Variants in SPEN observed in about 807,000 individuals in gnomAD.
SPEN encodes msx2-interacting protein.
Under a neutral mutation model 269.9 loss-of-function variants are expected in SPEN, and 18 were observed. That is an observed-to-expected ratio of 0.07 (90% confidence interval 0.05 to 0.10). The LOEUF (loss-of-function observed/expected upper bound fraction) is 0.10, where lower values mean the gene tolerates loss of function less well. Among genes scored for constraint, SPEN ranks in the 10% least tolerant of loss-of-function variants. SPEN has a pLI of 1.00. For missense variants in SPEN, 3,822 were observed against 4,631.2 expected (o/e 0.83, Z 5.07); for synonymous variants, 1,726 against 1,765.7 (o/e 0.98, Z 0.56).
rs769028117 is a variant in SPEN at position 15,936,247 on chromosome 1, G to A, written c.10007G>A (p.Arg3336Gln). 106 of 1,549,944 alleles carry A rather than the reference G, an allele frequency of 6.8e-5. No individual in the cohort carries two copies. In the Middle Eastern group the frequency reaches 1.0e-3, roughly 15 times the overall value. ...PAASSVGLPS[R>Q]TKTAAQGPPP... Reference sequence around the variant, plus strand: ...GCTTCCTCTGTTGGCCTGCCTTCCCGGACCAAGACAGCTGCTCAGGTGAGC... The same window carrying A: ...GCTTCCTCTGTTGGCCTGCCTTCCCAGACCAAGACAGCTGCTCAGGTGAGC... The change falls in exon 11 of 15, where the codon CGG (arginine) becomes CAG (glutamine). Residue 3336 changes from arginine (R) to glutamine (Q), a missense_variant. Coordinates refer to ENST00000375759, the MANE Select transcript of SPEN (RefSeq NM_015001.3).
At chr1:15,888,638 C>CTT (rs1001741385) in intron 3 of SPEN, among the ~76,000 whole-genome samples, 2 of 142,272 alleles carry the variant, frequency 1.4e-5, no homozygotes, top group African/African-American at 5.2e-5. Context: ...TATGTAAACT[C>CTT]TTTTTTTTTT....
At chr1:15,889,875 A>G (rs2148718294) in intron 3 of SPEN, among the ~76,000 whole-genome samples, 1 of 152,124 alleles carries the variant, frequency 6.6e-6, no homozygotes, top group Non-Finnish European at 1.5e-5. Flanking sequence ...CACCATGCCC[A>G]GCTAATTTCT....
At chr1:15,860,378 GGTGTGTGTGTGTGTGTGTGTGT>G (rs60005872) in intron 1 of SPEN, among the ~76,000 whole-genome samples, 2 of 121,162 alleles carry the variant, frequency 1.7e-5, no homozygotes, top group Non-Finnish European at 3.4e-5. Context: ...TAGCTTCAGA[GGTGTGTGTGTGTGTGTGTGTGT>G]GTGTGTGTGT....
In SPEN at chr1:15,933,109, A is replaced by G; in HGVS notation, c.6869A>G (p.Asp2290Gly). ...TCTAGGCCTCCAGTCAATGCTCCTGACCCCTCAGCCGGCCCAACAGATACC... is the reference window on the plus strand; with the variant it reads ...TCTAGGCCTCCAGTCAATGCTCCTGGCCCCTCAGCCGGCCCAACAGATACC... ...ESSRPPVNAP[D>G]PSAGPTDTKE... The change falls in exon 11 of 15, where the codon GAC (aspartate) becomes GGC (glycine). Residue 2290 changes from aspartate (D) to glycine (G), a missense_variant. Physicochemically the swap from Asp to Gly is moderately conservative, Grantham distance 94 (BLOSUM62 -1). Transcript: ENST00000375759. The surrounding 1 kb of genome is among the most constrained non-coding windows in gnomAD (Gnocchi z 5.7). 1.2e-6 allele frequency: 2 copies of G among 1,614,096 alleles called. No individual in the cohort carries two copies. Among genetic ancestry groups the G allele is most frequent in the South Asian group, 1.1e-5 (1 of 91,066 alleles).
rs1405526402 is a variant in SPEN at position 15,932,730 on chromosome 1, C to A, written c.6490C>A (p.Gln2164Lys). The A allele has an allele frequency of 6.2e-7, 1 of 1,614,040 alleles. No individual in the cohort carries two copies. The highest frequency in any genetic ancestry group is 1.3e-5 in the African/African-American group (1 of 74,904). ...CTCTGGGCCGTCCCCAGAAGCCACC[C>A]AGTTAGCCAAGCAGATGGAGCTGGA... ...SASGPSPEAT[Q>K]LAKQMELEQA... The change falls in exon 11 of 15, where the codon CAG becomes AAG. Residue 2164 changes from glutamine to lysine, a missense_variant. By Grantham distance (53) the Gln-to-Lys change is moderately conservative. This residue lies in a region of SPEN where 727 missense variants were observed against 737.9 expected (regional missense o/e 0.99). Coordinates refer to ENST00000375759, the MANE Select transcript of SPEN (RefSeq NM_015001.3). This position sits in a 1 kb window ranked among gnomAD's most constrained non-coding sequence, Gnocchi z 4.2.
At chr1:15,901,914 T>TGAAAACCTTTTATTTTTC (rs1301610711) in intron 3 of SPEN, among the ~76,000 whole-genome samples, 1 of 147,866 alleles carries the variant, frequency 6.8e-6, no homozygotes, top group Non-Finnish European at 1.5e-5. Context: ...TTTTATTTTT[T>TGAAAACCTTTTATTTTTC]ACTTATTTAT....
intron 10 of SPEN, among the ~76,000 whole-genome samples, chr1:15,923,669 T>C (rs2071139274): frequency 6.6e-6 from 1 of 151,396 alleles, no homozygotes; most frequent in Admixed American, 6.6e-5. Flanking sequence ...TTGAATACTT[T>C]GTGCTTTTTT....
In SPEN at chr1:15,928,925, T is replaced by G. The variant is rs760187524; in HGVS notation, c.2685T>G (p.Pro895=). The change falls in exon 11 of 15, where the codon CCT becomes CCG. Residue 895 remains proline (P), a synonymous_variant. Coordinates refer to ENST00000375759, the MANE Select transcript of SPEN (RefSeq NM_015001.3). This position sits in a 1 kb window ranked among gnomAD's most constrained non-coding sequence, Gnocchi z 5.7. ...EKEGKVIDHT[P]VEKLKAKLDN... ...AGGGAAAGGTCATTGACCACACTCC[T>G]GTGGAAAAGTTGAAAGCCAAGCTTG... The G allele has an allele frequency of 1.2e-6, 2 of 1,614,090 alleles. No homozygotes were observed. The highest frequency in any genetic ancestry group is 1.7e-6 in the Non-Finnish European group (2 of 1,180,042).
chr1:15,856,955 A>T (rs765788504), intron 1 of SPEN, among the ~76,000 whole-genome samples: 6 of 152,160 alleles, frequency 3.9e-5, no homozygotes, highest in Non-Finnish European at 4.4e-5. Context: ...ATTCTATCTC[A>T]GGAATTTTGA....
In SPEN at chr1:15,935,451, A is replaced by G; in HGVS notation, c.9211A>G (p.Ile3071Val). The G allele has an allele frequency of 6.2e-7, 1 of 1,614,066 alleles. No homozygotes were observed. Among genetic ancestry groups the G allele is most frequent in the Admixed American group, 1.7e-5 (1 of 60,008 alleles). The change falls in exon 11 of 15, where the codon ATC becomes GTC. Residue 3071 changes from isoleucine (I) to valine (V), a missense_variant. Ile to Val is a conservative substitution (Grantham distance 29, BLOSUM62 3). Coordinates refer to ENST00000375759, the MANE Select transcript of SPEN (RefSeq NM_015001.3). This position sits in a 1 kb window ranked among gnomAD's most constrained non-coding sequence, Gnocchi z 7.7. ...GIPVPQFISSIHPEQSVIMPP... is the reference protein window; with the variant it reads ...GIPVPQFISSVHPEQSVIMPP... ...CCCAGTGCCCCAGTTCATCTCCAGCATCCACCCAGAGCAGTCTGTCATCAT... is the reference window on the plus strand; with the variant it reads ...CCCAGTGCCCCAGTTCATCTCCAGCGTCCACCCAGAGCAGTCTGTCATCAT...
At chr1:15,893,718 C>T (rs2070811244) in intron 3 of SPEN, among the ~76,000 whole-genome samples, 1 of 151,358 alleles carries the variant, frequency 6.6e-6, no homozygotes, top group African/African-American at 2.4e-5. Flanking sequence ...GGCAACAGAG[C>T]GAGACCCTGT....
Position 15,860,378 on chromosome 1 carries a change from G to GGTGTGTGTGTGTGTGTGT in SPEN, c.83+12251_83+12268dup, listed in dbSNP as rs60005872. Reference sequence around the variant, plus strand: ...TCTCAGCCTCCCAAGTAGCTTCAGAGGTGTGTGTGTGTGTGTGTGTGTGTG... The same window carrying GGTGTGTGTGTGTGTGTGT: ...TCTCAGCCTCCCAAGTAGCTTCAGAGGTGTGTGTGTGTGTGTGTGTGTGTGTGTGTGTGTGTGTGTGTG... On this transcript the variant is annotated intron_variant, in intron 1 of 14. Coordinates refer to ENST00000375759, the MANE Select transcript of SPEN (RefSeq NM_015001.3). 6.9e-4 allele frequency among the ~76,000 whole-genome samples: 84 copies of GGTGTGTGTGTGTGTGTGT among 121,230 alleles called. 1 individual carries two copies. Among genetic ancestry groups the GGTGTGTGTGTGTGTGTGT allele is most frequent in the African/African-American group, 1.9e-3 (61 of 31,660 alleles). The allele number at this position is 121,230 out of a possible 152,430, so 79.5% of individuals were successfully genotyped here. A position where few individuals can be genotyped will look rare whatever the true frequency, so the allele number is the denominator to read the frequency against.
intron 1 of SPEN, among the ~76,000 whole-genome samples, chr1:15,855,575 T>A (rs2070378323): frequency 6.6e-6 from 1 of 152,164 alleles, no homozygotes; most frequent in Admixed American, 6.5e-5. Flanking sequence ...TTACACTGTT[T>A]GCAGCTGGGT....
chr1:15,923,815 G>A (rs947291442), intron 10 of SPEN, among the ~76,000 whole-genome samples: 8 of 151,858 alleles, frequency 5.3e-5, no homozygotes, highest in African/African-American at 1.7e-4. Context: ...GACTACAGGC[G>A]CATGCCACCA....
chr1:15,899,537 GTTTTTTTT>G (rs34565365), intron 3 of SPEN, among the ~76,000 whole-genome samples: 9 of 83,432 alleles, frequency 1.1e-4, no homozygotes, highest in Admixed American at 1.6e-4. Flanking sequence ...ATGTGGCAGA[GTTTTTTTT>G]TTTTTTTTTT....
intron 3 of SPEN, among the ~76,000 whole-genome samples, chr1:15,887,480 A>T (rs1403030534): frequency 6.7e-6 from 1 of 149,234 alleles, no homozygotes; most frequent in Non-Finnish European, 1.5e-5. Flanking sequence ...ACTGGGTTTC[A>T]CCATGTTAGC....
intron 13 of SPEN, 144 bp downstream of exon 13, chr1:15,938,150 C>A (rs2071296730): frequency 3.8e-6 from 3 of 798,840 alleles, no homozygotes; most frequent in South Asian, 3.8e-5. Context: ...GTCGCCTGGG[C>A]TGGAGTGCAG....
chr1:15,876,796 A>G (rs955765348), intron 3 of SPEN, 118 bp downstream of exon 3: 4 of 806,460 alleles, frequency 5.0e-6, no homozygotes, highest in South Asian at 1.7e-5. Flanking sequence ...TCATATATGT[A>G]TGTAATCAGT....
rs370111773 is a variant in SPEN at position 15,935,237 on chromosome 1, C to G, written c.8997C>G (p.Asn2999Lys). ...ALPSKLPTEV[N>K]HVPSGPSIPA... ...CCAGCAAACTGCCTACAGAAGTCAA[C>G]CATGTCCCCTCGGGGCCCAGCATCC... Residue 2999 changes from asparagine to lysine, a missense_variant, in exon 11 of 15, where the codon AAC becomes AAG. Asn to Lys is a moderately conservative substitution (Grantham distance 94). Transcript: ENST00000375759. The surrounding 1 kb of genome is among the most constrained non-coding windows in gnomAD (Gnocchi z 7.7). 16 of 1,614,074 alleles carry G rather than the reference C, an allele frequency of 9.9e-6. No individual in the cohort carries two copies. In the East Asian group the frequency reaches 3.1e-4, roughly 31 times the overall value.
Sources: gnomAD v4.1 joint callset for allele counts (sites outside exome capture counted in the v4.1 genomes callset) on GRCh38, gnomAD v4.1.1 for gene constraint, gnomAD v4.1.1 regional missense constraint, Gnocchi (gnomAD v3.1) non-coding constraint, MANE v1.5 for transcripts, NCBI Gene and HGNC (gene_info 2026-07-23, HGNC 2026-07-21) for gene names.